The following PIBF1 variants were observed in gnomAD, a reference collection of about 807,000 sequenced individuals.
The protein encoded by PIBF1 is progesterone-induced-blocking factor 1.
Under a neutral mutation model 112.5 loss-of-function variants are expected in PIBF1, and 90 were observed. That is an observed-to-expected ratio of 0.80 (90% CI 0.67 to 0.95). The LOEUF is 0.95. Among genes scored for constraint, PIBF1 ranks in the 40% least tolerant of loss-of-function variants. The pLI, the probability that PIBF1 is intolerant of heterozygous loss-of-function variation, is 0.00. For missense variants in PIBF1, 915 were observed against 852.3 expected (o/e 1.07, Z -0.92); for synonymous variants, 301 against 288.6 (o/e 1.04, Z -0.44).
At position 72,820,065 on chromosome 13, in the gene PIBF1, A is replaced by G. The variant is rs540152742; in HGVS notation, c.673-1784A>G. 3.3e-5 allele frequency among the ~76,000 whole-genome samples: 5 copies of G among 152,286 alleles called. No homozygotes were observed. In the East Asian group the frequency reaches 9.6e-4, roughly 29 times the overall value. ...CTATGATCTCTTTGGAAGCCAAAGC[A>G]AAGAGGAAGCATTATAACAATATTA... On this transcript the variant is annotated intron_variant, in intron 5 of 17. Transcript: ENST00000326291.
chr13:72,901,126 C>A (rs1022332878), intron 11 of PIBF1: 1 of 431,874 alleles, frequency 2.3e-6, no homozygotes, highest in Non-Finnish European at 4.6e-6. Context: ...AGTAAACAGA[C>A]AACCCACAAA....
chr13:72,998,353 G>A (rs146892488), intron 16 of PIBF1, among the ~76,000 whole-genome samples: 86 of 152,124 alleles, frequency 5.7e-4, no homozygotes, highest in African/African-American at 2.0e-3. Flanking sequence ...GCATGCGCCT[G>A]TAGTCCCAGC....
rs543797674 is a variant in PIBF1, at chr13:72,900,243, A to G, written c.1488+6294A>G. 3.9e-5 allele frequency among the ~76,000 whole-genome samples: 6 copies of G among 151,910 alleles called. No individual in the cohort carries two copies. In the South Asian group the frequency reaches 1.3e-3, roughly 32 times the overall value. ...CCACCATCATTCTTCCCAGAGTTAG[A>G]AAAAAAAATTCTAAAATTCATGTGG... On this transcript the variant is annotated intron_variant, in intron 11 of 17. Coordinates refer to ENST00000326291, the MANE Select transcript of PIBF1 (RefSeq NM_006346.4).
intron 6 of PIBF1, among the ~76,000 whole-genome samples, chr13:72,823,369 A>G (rs1364588438): frequency 2.0e-5 from 3 of 152,182 alleles, no homozygotes; most frequent in African/African-American, 7.2e-5. Flanking sequence ...ATATGTTTTC[A>G]TTTACTATAA....
At chr13:72,783,892 G>T (rs1448539082) in intron 2 of PIBF1, among the ~76,000 whole-genome samples, 171 bp downstream of exon 2, 1 of 151,806 alleles carries the variant, frequency 6.6e-6, no homozygotes, top group Non-Finnish European at 1.5e-5. Context: ...ATAGAATGGT[G>T]GTTACCAAGG....
At chr13:72,962,075 A>G (rs561708897) in intron 14 of PIBF1, among the ~76,000 whole-genome samples, 118 of 152,252 alleles carry the variant, frequency 7.8e-4, no homozygotes, top group African/African-American at 2.7e-3. Flanking sequence ...AAATTTTTAT[A>G]TATTGTTTAT....
At chr13:73,015,716 G>A (rs200916875) in intron 17 of PIBF1, among the ~76,000 whole-genome samples, 153 bp from the exon 18 acceptor site, 5 of 152,130 alleles carry the variant, frequency 3.3e-5, no homozygotes, top group East Asian at 3.8e-4. Flanking sequence ...AAAAGACAAA[G>A]TCTTCGCCCT....
In PIBF1 at chr13:72,898,612, G is replaced by A. The variant is rs1045856171; in HGVS notation, c.1488+4663G>A. Among the ~76,000 whole-genome samples, 12 of 151,668 alleles carry A rather than the reference G, an allele frequency of 7.9e-5. No individual in the cohort carries two copies. In the South Asian group the frequency reaches 8.4e-4, roughly 11 times the overall value. Reference sequence around the variant, plus strand: ...AGCACTTTGGGAGGCTGAGGTGGGCGGATCACCTGAGGTTGGGAGTTCGAG... The same window carrying A: ...AGCACTTTGGGAGGCTGAGGTGGGCAGATCACCTGAGGTTGGGAGTTCGAG... On this transcript the variant is annotated intron_variant, in intron 11 of 17. Coordinates refer to ENST00000326291, the MANE Select transcript of PIBF1 (RefSeq NM_006346.4).
intron 13 of PIBF1, among the ~76,000 whole-genome samples, chr13:72,920,834 C>G (rs1352997635): frequency 1.3e-5 from 2 of 151,946 alleles, no homozygotes; most frequent in Non-Finnish European, 2.9e-5. Flanking sequence ...TCAGTGGAAA[C>G]TTAAGGCGAA....
intron 10 of PIBF1, among the ~76,000 whole-genome samples, chr13:72,883,162 A>G (rs920372736): frequency 3.3e-5 from 5 of 152,216 alleles, no homozygotes; most frequent in African/African-American, 1.2e-4. Context: ...CATAAAAAAG[A>G]ATGAAATTCT....
intron 9 of PIBF1, among the ~76,000 whole-genome samples, chr13:72,851,006 T>A (rs576311995): frequency 1.3e-5 from 2 of 152,264 alleles, no homozygotes; most frequent in Non-Finnish European, 2.9e-5. Context: ...ACTATTTTAC[T>A]GACAAATCTC....
chr13:72,914,473 T>C (rs2041014173), intron 12 of PIBF1, among the ~76,000 whole-genome samples: 1 of 152,180 alleles, frequency 6.6e-6, no homozygotes, highest in Non-Finnish European at 1.5e-5. Context: ...GTCGAATTTC[T>C]CAGAACTCCC....
rs1401057454 is a variant in PIBF1 at position 73,013,757 on chromosome 13, A to G, written c.2224-2112A>G. Among the ~76,000 whole-genome samples, 213 of 119,390 alleles carry G rather than the reference A, an allele frequency of 1.8e-3. 2 individuals are homozygous for G. Among genetic ancestry groups the G allele is most frequent in the Non-Finnish European group, 3.2e-3 (151 of 47,108 alleles). 78.3% of individuals were successfully genotyped at this position (119,390 alleles called of 152,430 possible). A position where few individuals can be genotyped will look rare whatever the true frequency, so the allele number is the denominator to read the frequency against. On this transcript the variant is annotated intron_variant, in intron 17 of 17. Coordinates refer to ENST00000326291, the MANE Select transcript of PIBF1 (RefSeq NM_006346.4). ...AAAAAAAAAAAAAAAAAAAAAAGAAAAAGAAAAAATCCTGAAAGAAGCCCG... is the reference window on the plus strand; with the variant it reads ...AAAAAAAAAAAAAAAAAAAAAAGAAGAAGAAAAAATCCTGAAAGAAGCCCG...
At chr13:72,826,056 T>C (rs896813739) in intron 6 of PIBF1, among the ~76,000 whole-genome samples, 1 of 147,480 alleles carries the variant, frequency 6.8e-6, no homozygotes, top group Admixed American at 6.7e-5. Flanking sequence ...AAAAAAAAAA[T>C]TTAAAAAAAA....
At chr13:72,876,941 G>A (rs1018924194) in intron 10 of PIBF1, among the ~76,000 whole-genome samples, 3 of 151,792 alleles carry the variant, frequency 2.0e-5, no homozygotes, top group African/African-American at 4.8e-5. Flanking sequence ...CATCAACTTC[G>A]AATATGATGT....
chr13:72,873,706 A>G (rs1252402521), intron 10 of PIBF1, among the ~76,000 whole-genome samples: 1 of 152,136 alleles, frequency 6.6e-6, no homozygotes, highest in Non-Finnish European at 1.5e-5. Context: ...GAAAAACTTG[A>G]TATTCCAACT....
chr13:72,989,950 A>G (rs1452993677), intron 16 of PIBF1, among the ~76,000 whole-genome samples: 1 of 152,176 alleles, frequency 6.6e-6, no homozygotes, highest in Non-Finnish European at 1.5e-5. Context: ...ACTGAGGCTC[A>G]TGCCTGTAAT....
chr13:72,850,988 G>T (rs1459423952), intron 9 of PIBF1, among the ~76,000 whole-genome samples: 1 of 152,054 alleles, frequency 6.6e-6, no homozygotes, highest in African/African-American at 2.4e-5. Flanking sequence ...TTTATTTCTG[G>T]CTTATCAACT....
intron 10 of PIBF1, among the ~76,000 whole-genome samples, chr13:72,854,440 C>G (rs2038319937): frequency 6.6e-6 from 1 of 152,110 alleles, no homozygotes; most frequent in South Asian, 2.1e-4. Context: ...GCCCTTCAGT[C>G]CTTCTTAACT....
Sources: allele counts gnomAD v4.1 joint callset (sites outside exome capture counted in the v4.1 genomes callset), GRCh38; gene constraint gnomAD v4.1.1; transcripts MANE v1.5; gene names NCBI Gene and HGNC (gene_info 2026-07-23, HGNC 2026-07-21).